The following KAZN variants were observed in gnomAD, a reference collection of about 807,000 sequenced individuals.
KAZN encodes kazrin.
KAZN carries 40 observed loss-of-function variants against 87.4 expected under a neutral mutation model. The observed-to-expected ratio is 0.46, with a 90% CI of 0.36 to 0.60. The LOEUF (loss-of-function observed/expected upper bound fraction) is 0.60, where lower values mean the gene tolerates loss of function less well. Ranked by LOEUF, KAZN falls within the 20% of genes least tolerant of loss-of-function variation. KAZN has a pLI of 0.00. For missense variants in KAZN, 898 were observed against 1,073.9 expected, an observed-to-expected ratio of 0.84 and a Z score of 2.29; for synonymous variants, 466 against 458.3, an observed-to-expected ratio of 1.02 and a Z score of -0.22.
chr1:14,442,892 C>T (rs780464882), intron 2 of KAZN, among the ~76,000 whole-genome samples: 1 of 152,224 alleles, frequency 6.6e-6, no homozygotes, highest in Non-Finnish European at 1.5e-5. Flanking sequence ...CTGGCCCCTG[C>T]TCCCCGACAC....
intron 1 of KAZN, among the ~76,000 whole-genome samples, chr1:14,145,081 T>C (rs1645317296): frequency 6.6e-6 from 1 of 152,116 alleles, no homozygotes; most frequent in Non-Finnish European, 1.5e-5. Context: ...TAGGATAAGG[T>C]TCTTAGTACC....
At chr1:14,073,571 C>T (rs1301059983) in intron 1 of KAZN, among the ~76,000 whole-genome samples, 2 of 151,966 alleles carry the variant, frequency 1.3e-5, no homozygotes, top group Non-Finnish European at 2.9e-5. Flanking sequence ...CCCAAACAGG[C>T]CCTGGTGTGT....
At position 15,099,219 on chromosome 1, in the gene KAZN, C is replaced by T. The variant is rs905847574; in HGVS notation, c.1548-2324C>T. ...AAGGAGAGTGAAGCCAAGCTGCAAG[C>T]CCATCCTGCTCTTAGCCATTATTCC... On this transcript the variant is annotated intron_variant, in intron 10 of 14. Transcript: ENST00000376030. This position sits in a 1 kb window ranked among gnomAD's most constrained non-coding sequence, Gnocchi z 5.4. 2.6e-5 allele frequency among the ~76,000 whole-genome samples: 4 copies of T among 152,176 alleles called. No individual in the cohort carries two copies. The highest frequency in any genetic ancestry group is 6.5e-5 in the Admixed American group (1 of 15,280).
intron 1 of KAZN, among the ~76,000 whole-genome samples, chr1:13,978,708 GA>G (rs1638504434): frequency 6.6e-6 from 1 of 151,988 alleles, no homozygotes; most frequent in African/African-American, 2.4e-5. Context: ...AGTGAAGTGG[GA>G]AAATGTTGAA....
intron 1 of KAZN, among the ~76,000 whole-genome samples, chr1:14,056,777 T>A (rs1411802065): frequency 6.6e-6 from 1 of 152,124 alleles, no homozygotes; most frequent in East Asian, 1.9e-4. Context: ...GGAAATGGCC[T>A]TTTTTTAGAC....
intron 1 of KAZN, among the ~76,000 whole-genome samples, chr1:14,801,975 T>C (rs1242684493): frequency 6.6e-6 from 1 of 151,924 alleles, no homozygotes; most frequent in Non-Finnish European, 1.5e-5. Flanking sequence ...TCGGCCACCG[T>C]GCCTGGCCTC....
intron 1 of KAZN, among the ~76,000 whole-genome samples, chr1:14,603,044 A>T (rs2148604047): frequency 6.6e-6 from 1 of 152,324 alleles, no homozygotes; most frequent in South Asian, 2.1e-4. Context: ...GACAGCTCTC[A>T]TCTACCATTA....
At chr1:13,924,236 CAAAGGTATGGCTTA>C (rs1640183909) in intron 1 of KAZN, among the ~76,000 whole-genome samples, 1 of 152,030 alleles carries the variant, frequency 6.6e-6, no homozygotes. Context: ...GCTAAAAACT[CAAAGGTATGGCTTA>C]AAAGATAGAA....
chr1:13,973,812 T>A (rs531156210), intron 1 of KAZN, among the ~76,000 whole-genome samples: 1 of 152,352 alleles, frequency 6.6e-6, no homozygotes, highest in Non-Finnish European at 1.5e-5. Context: ...GTGATCTCCA[T>A]CCTGGGTCTC....
In KAZN at chr1:15,066,361, G is replaced by C; in HGVS notation, c.1222+608G>C. 1 of 984,078 alleles carries C rather than the reference G, an allele frequency of 1.0e-6. No homozygotes were observed. The highest frequency in any genetic ancestry group is 1.2e-6 in the Non-Finnish European group (1 of 829,752). The allele number at this position is 984,078 out of a possible 1,614,324, so 61.0% of individuals were successfully genotyped here. On this transcript the variant is annotated intron_variant, in intron 8 of 14. Coordinates refer to ENST00000376030, the MANE Select transcript of KAZN (RefSeq NM_201628.3). The surrounding 1 kb of genome is among the most constrained non-coding windows in gnomAD (Gnocchi z 4.3). ...TCCCGCCCCCCTGGTGTGAACGTGT[G>C]GGACCAGACCCTGTCCTGGGGGTGC...
chr1:14,457,529 CCTTT>C (rs528726395), intron 2 of KAZN, among the ~76,000 whole-genome samples: 2 of 152,152 alleles, frequency 1.3e-5, no homozygotes, highest in South Asian at 2.1e-4. Context: ...TGCACGTGGC[CCTTT>C]CTATTTTATT....
chr1:14,760,739 A>G (rs940982696), intron 1 of KAZN, among the ~76,000 whole-genome samples: 6 of 152,176 alleles, frequency 3.9e-5, no homozygotes, highest in Non-Finnish European at 7.3e-5. Context: ...GGATTGCTTG[A>G]GCCTAGGAGT....
chr1:14,328,744 A>T (rs985884261), intron 2 of KAZN, among the ~76,000 whole-genome samples: 1 of 95,464 alleles, frequency 1.0e-5, no homozygotes, highest in African/African-American at 4.6e-5. Context: ...AGACATCCCT[A>T]ACTGAAAAAA....
chr1:14,087,867 A>G (rs974571323), intron 1 of KAZN, among the ~76,000 whole-genome samples: 4 of 151,980 alleles, frequency 2.6e-5, no homozygotes, highest in Admixed American at 2.6e-4. Context: ...TTTGTGTAGT[A>G]ATTTTGCATC....
chr1:14,122,324 C>A lies in KAZN; in HGVS notation c.92-58111C>A, dbSNP rs141567448. Among the ~76,000 whole-genome samples the A allele has an allele frequency of 4.6e-3, 696 of 152,312 alleles. 6 individuals carry two copies. Among genetic ancestry groups the A allele is most frequent in the African/African-American group, 0.016 (648 of 41,584 alleles). ...TTGAGTAATTCAATAAAACCCAATT[C>A]TTCTTTGAACTTCACTCCTGTGGCC... On this transcript the variant is annotated intron_variant, in intron 1 of 16. Coordinates refer to the KAZN transcript ENST00000636203.
chr1:13,948,162 T>A (rs1363776635), intron 1 of KAZN, among the ~76,000 whole-genome samples: 1 of 152,136 alleles, frequency 6.6e-6, no homozygotes, highest in African/African-American at 2.4e-5. Flanking sequence ...CTACTACAGG[T>A]ATAGAAGAGA....
chr1:14,969,729 C>T (rs1156788748), intron 2 of KAZN, among the ~76,000 whole-genome samples: 2 of 152,354 alleles, frequency 1.3e-5, no homozygotes, highest in South Asian at 2.1e-4. Flanking sequence ...CTGCTTTCAG[C>T]ACCCTCACCC....
chr1:14,151,708 T>C (rs1426858203), intron 1 of KAZN, among the ~76,000 whole-genome samples: 3 of 152,240 alleles, frequency 2.0e-5, no homozygotes, highest in Non-Finnish European at 4.4e-5. Flanking sequence ...TTATAGCAGT[T>C]TGTGATAAAT....
chr1:14,370,392 C>T (rs1330461311), intron 2 of KAZN, among the ~76,000 whole-genome samples: 1 of 152,194 alleles, frequency 6.6e-6, no homozygotes, highest in East Asian at 1.9e-4. Flanking sequence ...GCTGCTCAGC[C>T]CCTGAGTATC....
Sources: allele counts gnomAD v4.1 joint callset (sites outside exome capture counted in the v4.1 genomes callset), GRCh38; gene constraint gnomAD v4.1.1; non-coding constraint Gnocchi (gnomAD v3.1); transcripts MANE v1.5; gene names NCBI Gene and HGNC (gene_info 2026-07-23, HGNC 2026-07-21).